RSRP1: variants seen among roughly 807,000 people sequenced by gnomAD.
RSRP1 encodes the protein arginine and serine rich protein 1, also known as arginine/serine-rich protein 1.
In RSRP1, 37 loss-of-function variants were observed where a neutral mutation model predicts 33.0. The observed-to-expected ratio is 1.12, with a 90% CI of 0.86 to 1.48. The LOEUF (loss-of-function observed/expected upper bound fraction) is 1.48, where lower values mean the gene tolerates loss of function less well. Ranked by LOEUF, RSRP1 falls within the 40% of genes most tolerant of loss-of-function variation. RSRP1 has a pLI of 0.00. For missense variants in RSRP1, 402 were observed against 385.3 expected (o/e 1.04, Z -0.36); for synonymous variants, 167 against 158.7 (o/e 1.05, Z -0.40).
At chr1:25,259,687 G>A (rs1405167867) in intron 1 of RSRP1, among the ~76,000 whole-genome samples, 1 of 151,684 alleles carries the variant, frequency 6.6e-6, no homozygotes, top group Non-Finnish European at 1.5e-5. Flanking sequence ...ATTTTTACTA[G>A]ACAGGGTTTC....
In RSRP1 at chr1:25,318,415, C is replaced by T. The variant is rs1380102904; in HGVS notation, c.-67+19563G>A. 3 of 131,540 alleles carry T rather than the reference C, an allele frequency of 2.3e-5. 1 individual carries two copies. Among genetic ancestry groups the T allele is most frequent in the Non-Finnish European group, 5.4e-5 (3 of 55,496 alleles). The allele number at this position is 131,540 out of a possible 1,614,324, so 8.1% of individuals were successfully genotyped here. A position where few individuals can be genotyped will look rare whatever the true frequency, so the allele number is the denominator to read the frequency against. Reference sequence around the variant, plus strand: ...CCAGCCTGACCAACATGGCAAAACCCTGTCTCTACCAGAAATACAAAAATT... The same window carrying T: ...CCAGCCTGACCAACATGGCAAAACCTTGTCTCTACCAGAAATACAAAAATT... On this transcript the variant is annotated intron_variant, in intron 1 of 1. Coordinates refer to the RSRP1 transcript ENST00000561867.
intron 3 of RSRP1, 167 bp downstream of exon 3, chr1:25,244,983 A>G (rs1181201804): frequency 6.7e-7 from 1 of 1,493,236 alleles, no homozygotes; most frequent in African/African-American, 1.4e-5. Context: ...TTAATCTCCC[A>G]TTTTCATGGG....
rs1404740910 is a variant in RSRP1 at position 25,313,150 on chromosome 1, C to T, written c.-67+24828G>A. On this transcript the variant is annotated intron_variant, in intron 1 of 1. Transcript: ENST00000561867. ...ATTAGATAAAGTCATCAGGGTGGGGCCCCTATGATGAGACTGGTGGCTTAC... is the reference window on the plus strand; with the variant it reads ...ATTAGATAAAGTCATCAGGGTGGGGTCCCTATGATGAGACTGGTGGCTTAC... Among the ~76,000 whole-genome samples, 2 of 126,438 alleles carry T rather than the reference C, an allele frequency of 1.6e-5. 1 individual carries two copies. The allele number at this position is 126,438 out of a possible 152,430, so 82.9% of individuals were successfully genotyped here.
At chr1:25,244,176 CTT>C (rs1168801222) in intron 3 of RSRP1, 1 of 1,288,536 alleles carries the variant, frequency 7.8e-7, no homozygotes, top group African/African-American at 1.5e-5. Flanking sequence ...TTATAATAAA[CTT>C]ATCTGCAAGT....
chr1:25,252,080 G>A (rs371902888), upstream of RSRP1, among the ~76,000 whole-genome samples: 1 of 149,894 alleles, frequency 6.7e-6, no homozygotes, highest in South Asian at 2.1e-4. Context: ...TTGTTGTTTT[G>A]TGAGACAGAG....
chr1:25,264,465 T>C (rs2124566046), intron 1 of RSRP1, among the ~76,000 whole-genome samples: 1 of 148,186 alleles, frequency 6.7e-6, no homozygotes, highest in East Asian at 2.1e-4. Context: ...CAGCCCAAGC[T>C]CTACCTTGCC....
chr1:25,276,485 G>A (rs1158750236), intron 1 of RSRP1, among the ~76,000 whole-genome samples: 2 of 109,098 alleles, frequency 1.8e-5, no homozygotes, highest in East Asian at 2.1e-4. Context: ...TTAAACCAAG[G>A]AGTTCAAGAC....
intron 3 of RSRP1, chr1:25,244,296 T>C: frequency 7.8e-7 from 1 of 1,288,134 alleles, no homozygotes; most frequent in South Asian, 1.2e-5. Context: ...ACGTGTACCT[T>C]TGCTTAGTTT....
At chr1:25,298,534 C>G (rs550353917) in intron 1 of RSRP1, among the ~76,000 whole-genome samples, 2 of 130,532 alleles carry the variant, frequency 1.5e-5, no homozygotes, top group East Asian at 3.9e-4. Context: ...TATTCCAGGC[C>G]AAGAATCCCC....
upstream of RSRP1, among the ~76,000 whole-genome samples, chr1:25,248,837 G>A (rs1162706183): frequency 2.0e-5 from 3 of 152,136 alleles, no homozygotes; most frequent in Non-Finnish European, 2.9e-5. Context: ...TTCTCATAAA[G>A]CTGTGTGAGT....
intron 4 of RSRP1, 129 bp from the exon 5 acceptor site, chr1:25,242,834 C>T (rs1004492743): frequency 7.7e-6 from 5 of 646,652 alleles, no homozygotes; most frequent in Non-Finnish European, 1.3e-5. Flanking sequence ...CGGTGGCTCA[C>T]GCCTGTAATC....
intron 1 of RSRP1, among the ~76,000 whole-genome samples, chr1:25,300,372 C>T (rs1229709021): frequency 7.7e-6 from 1 of 130,258 alleles, no homozygotes; most frequent in Admixed American, 7.4e-5. Context: ...ATTGGCCAGG[C>T]ATGGTTGTAC....
chr1:25,244,742 T>A, intron 3 of RSRP1: 2 of 1,134,310 alleles, frequency 1.8e-6, no homozygotes, highest in Non-Finnish European at 2.2e-6. Context: ...TAGAGTGCAA[T>A]GGTGCCATCT....
At chr1:25,258,562 C>T (rs1640020568) in intron 1 of RSRP1, among the ~76,000 whole-genome samples, 1 of 152,162 alleles carries the variant, frequency 6.6e-6, no homozygotes, top group South Asian at 2.1e-4. Context: ...CTGTCCTCCT[C>T]TCAAAGCTAT....
intron 1 of RSRP1, among the ~76,000 whole-genome samples, chr1:25,331,768 C>A: frequency 2.0e-5 from 2 of 98,816 alleles, no homozygotes; most frequent in South Asian, 3.2e-4. Context: ...GAGACGGAGT[C>A]TCGCTCTGTT....
Position 25,278,420 on chromosome 1 carries a change from A to G in RSRP1, c.-66-31391T>C, listed in dbSNP as rs1184253156. 3.8e-5 allele frequency among the ~76,000 whole-genome samples: 5 copies of G among 131,416 alleles called. 2 individuals carry two copies. Among genetic ancestry groups the G allele is most frequent in the Non-Finnish European group, 9.0e-5 (5 of 55,508 alleles). The allele number at this position is 131,416 out of a possible 152,430, so 86.2% of individuals were successfully genotyped here. ...CACCCCAAACTTAGTGGCTTAAAAT[A>G]GTAACCTTTTAATTTACTCATGATC... On this transcript the variant is annotated intron_variant, in intron 1 of 1. Coordinates refer to the RSRP1 transcript ENST00000561867.
chr1:25,301,937 C>T (rs1467189298), intron 1 of RSRP1, among the ~76,000 whole-genome samples: 2 of 130,902 alleles, frequency 1.5e-5, no homozygotes, highest in African/African-American at 5.2e-5. Context: ...TAACATGAAA[C>T]AGACCTCAGT....
chr1:25,254,912 T>C (rs979689537), intron 1 of RSRP1, among the ~76,000 whole-genome samples: 1 of 152,180 alleles, frequency 6.6e-6, no homozygotes, highest in African/African-American at 2.4e-5. Context: ...TCTGTGTAAC[T>C]GAGAATGAGA....
upstream of RSRP1, among the ~76,000 whole-genome samples, chr1:25,249,225 A>T (rs901178713): frequency 3.4e-4 from 51 of 148,992 alleles, no homozygotes; most frequent in African/African-American, 1.2e-3. Context: ...GAACTAAAGT[A>T]TACTTACGAT....
Sources: allele counts gnomAD v4.1 joint callset (sites outside exome capture counted in the v4.1 genomes callset), GRCh38; gene constraint gnomAD v4.1.1; transcripts MANE v1.5; gene names NCBI Gene and HGNC (gene_info 2026-07-23, HGNC 2026-07-21).